TEKT1: variants seen among roughly 807,000 people sequenced by gnomAD.
TEKT1 encodes the protein tektin-1.
Under a neutral mutation model 34.8 loss-of-function variants are expected in TEKT1, and 32 were observed. The ratio of observed to expected loss-of-function variants is 0.92; its 90% CI spans 0.69 to 1.23. The LOEUF is 1.23. Among genes scored for constraint, TEKT1 ranks in the 50% most tolerant of loss-of-function variants. The probability of loss-of-function intolerance (pLI) is 0.00; values close to 1 mark genes in which losing one functional copy is unlikely to be tolerated. For missense variants in TEKT1, 492 were observed against 518.5 expected, an observed-to-expected ratio of 0.95 and a Z score of 0.50; for synonymous variants, 207 against 199.8, an observed-to-expected ratio of 1.04 and a Z score of -0.30.
At chr17:6,819,035 C>G (rs923315447) in intron 3 of TEKT1, among the ~76,000 whole-genome samples, 158 bp downstream of exon 3, 1 of 152,200 alleles carries the variant, frequency 6.6e-6, no homozygotes, top group African/African-American at 2.4e-5. Flanking sequence ...GCCCCTTGCA[C>G]TGCCCAGCAC....
chr17:6,816,019 A>G (rs974705596), intron 3 of TEKT1, 57 bp from the exon 4 acceptor site: 16 of 1,604,660 alleles, frequency 1.0e-5, no homozygotes, highest in African/African-American at 2.7e-5. Flanking sequence ...GTGACTCAAC[A>G]TTGGCTAATG....
At chr17:6,826,126 CTTTT>C (rs900573288) in intron 2 of TEKT1, among the ~76,000 whole-genome samples, 4 of 152,178 alleles carry the variant, frequency 2.6e-5, no homozygotes, top group African/African-American at 9.7e-5. Context: ...TCTCTTCCTT[CTTTT>C]TAATTGTAGC....
intron 3 of TEKT1, 137 bp from the exon 4 acceptor site, chr17:6,816,099 GAC>G (rs1977004744): frequency 8.1e-7 from 1 of 1,228,278 alleles, no homozygotes; most frequent in Non-Finnish European, 1.1e-6. Flanking sequence ...CACAGTGGGT[GAC>G]AGATATTAGT....
rs566629933 is a variant in TEKT1 at position 6,802,738 on chromosome 17, T to G, written c.853-1795A>C. Among the ~76,000 whole-genome samples, 3 of 151,872 alleles carry G rather than the reference T, an allele frequency of 2.0e-5. No homozygotes were observed. In the East Asian group the frequency reaches 5.8e-4, roughly 30 times the overall value. On this transcript the variant is annotated intron_variant, in intron 6 of 7. Transcript: ENST00000338694. ...ATGAGTGAGAACATGCGGTGTTTGG[T>G]TTTTTGTCTTTGCGATAGTTTGCTG...
At chr17:6,826,984 G>A (rs749679559) in intron 2 of TEKT1, among the ~76,000 whole-genome samples, 6 of 152,034 alleles carry the variant, frequency 3.9e-5, no homozygotes, top group South Asian at 2.1e-4. Context: ...TGTAAGCCAC[G>A]GCGCCTGGCC....
intron 2 of TEKT1, among the ~76,000 whole-genome samples, chr17:6,821,606 G>A (rs1425416093): frequency 6.6e-6 from 1 of 152,196 alleles, no homozygotes; most frequent in Non-Finnish European, 1.5e-5. Flanking sequence ...TGGAAATGTG[G>A]TAGTGACTTT....
At chr17:6,819,660 T>C (rs78516248) in intron 2 of TEKT1, among the ~76,000 whole-genome samples, 12,349 of 152,250 alleles carry the variant, frequency 0.081, 658 homozygotes, top group Non-Finnish European at 0.12. Context: ...AAAAGTCAAA[T>C]AGTATCACAA....
rs759245203 is a variant in TEKT1 at position 6,830,408 on chromosome 17, A to C, written c.-17-15T>G. The C allele has an allele frequency of 4.4e-5, 66 of 1,496,890 alleles. No homozygotes were observed. The highest frequency in any genetic ancestry group is 5.8e-5 in the Non-Finnish European group (65 of 1,115,266). 92.7% of individuals were successfully genotyped at this position (1,496,890 alleles called of 1,614,324 possible). On this transcript the variant is annotated splice_polypyrimidine_tract_variant and intron_variant, in intron 1 of 7. Coordinates refer to ENST00000338694, the MANE Select transcript of TEKT1 (RefSeq NM_053285.2). ...TTTCCAAATTCCTGATCAAAAGCAGACTCTTTTAGATTAAATGAAAGCAAT... is the reference window on the plus strand; with the variant it reads ...TTTCCAAATTCCTGATCAAAAGCAGCCTCTTTTAGATTAAATGAAAGCAAT...
chr17:6,803,448 A>G (rs1252192451), intron 6 of TEKT1, among the ~76,000 whole-genome samples: 2 of 152,054 alleles, frequency 1.3e-5, no homozygotes, highest in African/African-American at 4.8e-5. Context: ...TGCTGTGCAG[A>G]AGCTCTTTAG....
chr17:6,801,591 C>G (rs538233611), intron 6 of TEKT1, among the ~76,000 whole-genome samples: 1 of 151,954 alleles, frequency 6.6e-6, no homozygotes, highest in Middle Eastern at 3.2e-3. Flanking sequence ...ACCTGTAATC[C>G]CAGATACTCA....
chr17:6,828,874 G>A (rs180889834), intron 2 of TEKT1, among the ~76,000 whole-genome samples: 1 of 152,086 alleles, frequency 6.6e-6, no homozygotes, highest in Non-Finnish European at 1.5e-5. Flanking sequence ...GTTTTAGGCA[G>A]GGTGCGGTGG....
chr17:6,820,139 T>C (rs1337014408), intron 2 of TEKT1, among the ~76,000 whole-genome samples: 1 of 152,204 alleles, frequency 6.6e-6, no homozygotes, highest in Non-Finnish European at 1.5e-5. Context: ...ATCACCATTT[T>C]GTTAAACAAT....
intron 2 of TEKT1, among the ~76,000 whole-genome samples, chr17:6,824,539 A>C (rs1235940207): frequency 6.6e-6 from 1 of 152,216 alleles, no homozygotes; most frequent in Non-Finnish European, 1.5e-5. Flanking sequence ...GTTAAAATTC[A>C]TTCATAAATC....
chr17:6,810,208 A>C (rs186935413), intron 6 of TEKT1, among the ~76,000 whole-genome samples: 1 of 152,234 alleles, frequency 6.6e-6, no homozygotes, highest in African/African-American at 2.4e-5. Flanking sequence ...TTAATTTGCA[A>C]TTCCCTAATG....
intron 2 of TEKT1, among the ~76,000 whole-genome samples, chr17:6,825,971 A>C (rs1057054292): frequency 1.4e-4 from 22 of 151,826 alleles, no homozygotes; most frequent in Admixed American, 3.9e-4. Context: ...TAAAGGTAGA[A>C]TAACCAGGTG....
intron 6 of TEKT1, among the ~76,000 whole-genome samples, chr17:6,812,127 T>G (rs1007281047): frequency 6.6e-6 from 1 of 152,074 alleles, no homozygotes; most frequent in Non-Finnish European, 1.5e-5. Context: ...GTTTTAAAAG[T>G]GGCAGTTTCC....
chr17:6,817,077 C>T (rs8070405), intron 3 of TEKT1, among the ~76,000 whole-genome samples: 12,375 of 152,154 alleles, frequency 0.081, 634 homozygotes, highest in Middle Eastern at 0.19. Context: ...AACAATTGAA[C>T]ATAGAAAGAT....
At chr17:6,824,015 G>A (rs1036654700) in intron 2 of TEKT1, among the ~76,000 whole-genome samples, 1 of 151,748 alleles carries the variant, frequency 6.6e-6, no homozygotes, top group Non-Finnish European at 1.5e-5. Flanking sequence ...GTAGAGACGA[G>A]GTCTCACCGT....
chr17:6,813,967 T>TCTCTCTCTCTCTCA lies in TEKT1; in HGVS notation c.630-915_630-914insTGAGAGAGAGAGAG, dbSNP rs1441359856. Among the ~76,000 whole-genome samples the TCTCTCTCTCTCTCA allele has an allele frequency of 3.4e-3, 516 of 151,922 alleles. 2 individuals are homozygous for TCTCTCTCTCTCTCA. Among genetic ancestry groups the TCTCTCTCTCTCTCA allele is most frequent in the African/African-American group, 0.012 (485 of 41,386 alleles). ...TCCGTTCTCTCTCTCTCTCTCTCTC[T>TCTCTCTCTCTCTCA]CTCTCTCTCTCGGATCACTCATTAT... On this transcript the variant is annotated intron_variant, in intron 5 of 7. Transcript: ENST00000338694.
Sources: gnomAD v4.1 joint callset for allele counts (sites outside exome capture counted in the v4.1 genomes callset) on GRCh38, gnomAD v4.1.1 for gene constraint, MANE v1.5 for transcripts, NCBI Gene and HGNC (gene_info 2026-07-23, HGNC 2026-07-21) for gene names.